Variants in AP1AR observed in about 807,000 individuals in gnomAD.
AP1AR encodes AP-1 complex-associated regulatory protein.
In AP1AR, 29 loss-of-function variants were observed where a neutral mutation model predicts 46.3. That is an observed-to-expected ratio of 0.63 (90% confidence interval 0.47 to 0.85). The LOEUF (loss-of-function observed/expected upper bound fraction) is 0.85. Ranked by LOEUF, AP1AR falls within the 40% of genes least tolerant of loss-of-function variation. The pLI, the probability that AP1AR is intolerant of heterozygous loss-of-function variation, is 0.00. For missense variants in AP1AR, 357 were observed against 356.3 expected, an observed-to-expected ratio of 1.00 and a Z score of -0.02; for synonymous variants, 122 against 122.9, an observed-to-expected ratio of 0.99 and a Z score of 0.05.
At chr4:112,242,906 A>T (rs1375980203) in intron 1 of AP1AR, among the ~76,000 whole-genome samples, 2 of 152,232 alleles carry the variant, frequency 1.3e-5, no homozygotes, top group Non-Finnish European at 2.9e-5. Flanking sequence ...ATGTAAATGA[A>T]TGTCCATGGA....
chr4:112,253,629 C>T (rs888239353), intron 2 of AP1AR, among the ~76,000 whole-genome samples: 8 of 152,094 alleles, frequency 5.3e-5, no homozygotes, highest in African/African-American at 1.4e-4. Context: ...GCAGAATGAC[C>T]GAGTCACTTT....
At chr4:112,242,729 A>T (rs116565153) in intron 1 of AP1AR, among the ~76,000 whole-genome samples, 3,203 of 152,284 alleles carry the variant, frequency 0.021, 105 homozygotes, top group African/African-American at 0.072. Flanking sequence ...ACTTCCTATT[A>T]GGCCCCACCC....
chr4:112,258,756 G>A (rs566593734), intron 4 of AP1AR, among the ~76,000 whole-genome samples: 1 of 152,244 alleles, frequency 6.6e-6, no homozygotes, highest in African/African-American at 2.4e-5. Context: ...TTACATGAGT[G>A]TATACAATTA....
Position 112,244,338 on chromosome 4 carries a change from A to G in AP1AR, c.84-8870A>G, listed in dbSNP as rs1725633258. Among the ~76,000 whole-genome samples, 5 of 152,328 alleles carry G rather than the reference A, an allele frequency of 3.3e-5. No homozygotes were observed. The South Asian group carries it at 1.0e-3, about 32-fold the overall frequency. On this transcript the variant is annotated intron_variant, in intron 1 of 9. Transcript: ENST00000274000. Reference sequence around the variant, plus strand: ...GCCATAAAGAGCCCACAAATTTTGAAGAAGGAAACTTGTCCTATCAGATTA... The same window carrying G: ...GCCATAAAGAGCCCACAAATTTTGAGGAAGGAAACTTGTCCTATCAGATTA...
At chr4:112,241,834 C>T (rs1345802864) in intron 1 of AP1AR, among the ~76,000 whole-genome samples, 3 of 151,762 alleles carry the variant, frequency 2.0e-5, no homozygotes, top group African/African-American at 4.8e-5. Context: ...ACAATGTTTC[C>T]ATCATCTTTG....
At chr4:112,253,962 T>TA (rs1241062955) in intron 2 of AP1AR, among the ~76,000 whole-genome samples, 1 of 152,150 alleles carries the variant, frequency 6.6e-6, no homozygotes, top group Non-Finnish European at 1.5e-5. Context: ...CAAACTAATA[T>TA]AAAAAAAGAT....
chr4:112,254,359 A>G (rs771209595), intron 2 of AP1AR, among the ~76,000 whole-genome samples: 3 of 152,198 alleles, frequency 2.0e-5, no homozygotes, highest in African/African-American at 7.2e-5. Context: ...TTTAGTCCCC[A>G]TTCCTTGAAT....
At chr4:112,248,972 G>T (rs1237837775) in intron 1 of AP1AR, among the ~76,000 whole-genome samples, 1 of 152,132 alleles carries the variant, frequency 6.6e-6, no homozygotes, top group Admixed American at 6.5e-5. Flanking sequence ...CTTTAACCGA[G>T]AAGTCTGCCT....
chr4:112,231,892 C>G lies in AP1AR; in HGVS notation c.-200C>G. 1 of 416,254 alleles carries G rather than the reference C, an allele frequency of 2.4e-6. No individual in the cohort carries two copies. Among genetic ancestry groups the G allele is most frequent in the African/African-American group, 2.0e-5 (1 of 48,950 alleles). 25.8% of individuals were successfully genotyped at this position (416,254 alleles called of 1,614,324 possible). A position where few individuals can be genotyped will look rare whatever the true frequency, so the allele number is the denominator to read the frequency against. On this transcript the variant is annotated 5_prime_UTR_variant, in exon 1 of 10. Transcript: ENST00000274000. ...CCCTCGCGCAGCGGTGGCTCTGCGG[C>G]CGCTGGAGTAAACACTGCCTTTGTT...
intron 3 of AP1AR, among the ~76,000 whole-genome samples, chr4:112,255,091 C>G (rs1463558269): frequency 6.6e-6 from 1 of 151,774 alleles, no homozygotes; most frequent in Non-Finnish European, 1.5e-5. Flanking sequence ...TCCCAAGTAG[C>G]TGGGACTACA....
intron 6 of AP1AR, among the ~76,000 whole-genome samples, chr4:112,264,522 A>C (rs1726590173): frequency 1.3e-5 from 2 of 152,186 alleles, no homozygotes; most frequent in African/African-American, 2.4e-5. Context: ...GCTAATAGCT[A>C]TCAGAGCCAC....
chr4:112,249,370 A>C (rs568662528), intron 1 of AP1AR, among the ~76,000 whole-genome samples: 440 of 150,718 alleles, frequency 2.9e-3, no homozygotes, highest in African/African-American at 9.8e-3. Context: ...AAAAAAAAAA[A>C]ATGTATAGGC....
At chr4:112,260,728 T>C in intron 4 of AP1AR, 38 bp from the exon 5 acceptor site, 1 of 1,394,242 alleles carries the variant, frequency 7.2e-7, no homozygotes, top group Non-Finnish European at 9.8e-7. Flanking sequence ...TCAGAAGTTT[T>C]TGTTTTTTCT....
At chr4:112,249,259 C>G (rs560927212) in intron 1 of AP1AR, among the ~76,000 whole-genome samples, 5 of 151,166 alleles carry the variant, frequency 3.3e-5, no homozygotes, top group Non-Finnish European at 5.9e-5. Context: ...CCATTGCACT[C>G]CAGCCTGGGC....
chr4:112,264,915 C>T, intron 6 of AP1AR, 94 bp from the exon 7 acceptor site: 1 of 903,382 alleles, frequency 1.1e-6, no homozygotes, highest in Non-Finnish European at 1.6e-6. Flanking sequence ...TTTTTAGAAA[C>T]TAGAAAAAAA....
intron 5 of AP1AR, 67 bp downstream of exon 5, chr4:112,260,929 A>G: frequency 2.9e-6 from 3 of 1,036,876 alleles, no homozygotes; most frequent in Non-Finnish European, 4.2e-6. Context: ...TAAATAATAT[A>G]TTGTGTAGAG....
chr4:112,247,393 A>G (rs1418994239), intron 1 of AP1AR, among the ~76,000 whole-genome samples: 1 of 152,196 alleles, frequency 6.6e-6, no homozygotes, highest in Non-Finnish European at 1.5e-5. Flanking sequence ...GCTGATGTTT[A>G]TGTTAACGTT....
At chr4:112,263,443 A>G (rs1578421168) in intron 6 of AP1AR, among the ~76,000 whole-genome samples, 1 of 151,860 alleles carries the variant, frequency 6.6e-6, no homozygotes, top group Non-Finnish European at 1.5e-5. Context: ...TATAATTGGC[A>G]AAGCATTTTG....
chr4:112,260,772 T>C lies in AP1AR; in HGVS notation c.192T>C (p.Leu64=). 6.3e-7 allele frequency: 1 copy of C among 1,589,616 alleles called. No homozygotes were observed. Residue 64 remains leucine, a synonymous_variant, in exon 5 of 10, where the codon CTT becomes CTC. Coordinates refer to ENST00000274000, the MANE Select transcript of AP1AR (RefSeq NM_018569.6). Reference sequence around the variant, plus strand: ...TCCTCCTTTTTTTCTCTAGGCCTCTTACTGAGGAAGAAATTGTTGACCTAA... The same window carrying C: ...TCCTCCTTTTTTTCTCTAGGCCTCTCACTGAGGAAGAAATTGTTGACCTAA... ...GESPGSSHRP[L]TEEEIVDLRE... is the part of the protein sequence containing the mutation.
Sources: gnomAD v4.1 joint callset for allele counts (sites outside exome capture counted in the v4.1 genomes callset) on GRCh38, gnomAD v4.1.1 for gene constraint, MANE v1.5 for transcripts, NCBI Gene and HGNC (gene_info 2026-07-23, HGNC 2026-07-21) for gene names.